FLT1: variants seen among roughly 807,000 people sequenced by gnomAD.
FLT1 encodes the protein vascular endothelial growth factor receptor 1.
FLT1 carries 49 observed loss-of-function variants against 156.3 expected under a neutral mutation model. The ratio of observed to expected loss-of-function variants is 0.31; its 90% CI spans 0.25 to 0.40. The LOEUF (loss-of-function observed/expected upper bound fraction) is 0.40. Among genes scored for constraint, FLT1 ranks in the 10% least tolerant of loss-of-function variants. The pLI is 1.00. For synonymous variants in FLT1, 594 were observed against 583.8 expected (o/e 1.02, Z -0.25); for missense variants, 1,322 against 1,637.2 (o/e 0.81, Z 3.32).
At chr13:28,314,414 A>T (rs565828405) in intron 25 of FLT1, among the ~76,000 whole-genome samples, 4 of 152,364 alleles carry the variant, frequency 2.6e-5, no homozygotes, top group South Asian at 2.1e-4. Context: ...AAAAAATAAA[A>T]AAATTCATTG....
chr13:28,384,979 G>A lies in FLT1; in HGVS notation c.2022C>T (p.Ile674=), dbSNP rs1874272666. Residue 674 remains isoleucine, a synonymous_variant, in exon 14 of 30, where the codon ATC becomes ATT. Transcript: ENST00000282397. ...LRNLSDHTVA[I]SSSTTLDCHA... ...GACAGTCTAAAGTGGTGGAACTGCT[G>A]ATGGCCACTGTGTGATCACTGAGGT... 1 of 1,614,070 alleles carries A rather than the reference G, an allele frequency of 6.2e-7. No homozygotes were observed. The highest frequency in any genetic ancestry group is 8.5e-7 in the Non-Finnish European group (1 of 1,179,900).
rs1382008782 is a variant in FLT1 at position 28,301,895 on chromosome 13, C to A, written c.*1272G>T. ...AGAAATACCTTGCATAAATTACATA[C>A]CACCTTTTTACTCAAGGAGCTTAAA... On this transcript the variant is annotated 3_prime_UTR_variant, in exon 30 of 30. Coordinates refer to ENST00000282397, the MANE Select transcript of FLT1 (RefSeq NM_002019.4). 1 of 233,482 alleles carries A rather than the reference C, an allele frequency of 4.3e-6. No homozygotes were observed. The highest frequency in any genetic ancestry group is 8.5e-6 in the Non-Finnish European group (1 of 117,976). 14.5% of individuals were successfully genotyped at this position (233,482 alleles called of 1,614,324 possible).
At chr13:28,306,338 G>A (rs936414164) in intron 29 of FLT1, among the ~76,000 whole-genome samples, 13 of 152,146 alleles carry the variant, frequency 8.5e-5, no homozygotes, top group South Asian at 2.1e-4. Context: ...GAGTGACAGC[G>A]GGGGCATCCT....
intron 17 of FLT1, among the ~76,000 whole-genome samples, chr13:28,335,246 A>T (rs1045837442): frequency 6.6e-6 from 1 of 152,090 alleles, no homozygotes; most frequent in African/African-American, 2.4e-5. Flanking sequence ...TTCTTGGGGG[A>T]AGGGGAAATG....
intron 10 of FLT1, among the ~76,000 whole-genome samples, chr13:28,410,324 T>C (rs1210298358): frequency 1.3e-5 from 2 of 152,214 alleles, no homozygotes; most frequent in African/African-American, 4.8e-5. Context: ...ATAGTAAGTA[T>C]TGTGTTTTCT....
At chr13:28,451,080 C>G (rs899576644) in intron 3 of FLT1, among the ~76,000 whole-genome samples, 2 of 152,158 alleles carry the variant, frequency 1.3e-5, no homozygotes, top group Non-Finnish European at 2.9e-5. Context: ...GCTTAGCTCT[C>G]TGCTGTAAGG....
chr13:28,445,907 AT>A (rs1878588584), intron 3 of FLT1, among the ~76,000 whole-genome samples: 1 of 152,202 alleles, frequency 6.6e-6, no homozygotes, highest in Non-Finnish European at 1.5e-5. Flanking sequence ...AAAAAACTCA[AT>A]AAAGTACTAG....
chr13:28,484,350 C>T (rs1361174033), intron 1 of FLT1, among the ~76,000 whole-genome samples: 1 of 152,184 alleles, frequency 6.6e-6, no homozygotes, highest in African/African-American at 2.4e-5. Flanking sequence ...CTCGGACCTG[C>T]CTGATATGAG....
chr13:28,329,716 G>C lies in FLT1; in HGVS notation c.2606C>G (p.Ala869Gly). 6.2e-7 allele frequency: 1 copy of C among 1,613,918 alleles called. No homozygotes were observed. Among genetic ancestry groups the C allele is most frequent in the Non-Finnish European group, 8.5e-7 (1 of 1,179,846 alleles). ...AVKMLKEGAT[A>G]SEYKALMTEL... ...AGTCATCAGAGCTTTGTACTCGCTGGCCGTGGCCCCCTCTGTGTGAGAAGC... is the reference window on the plus strand; with the variant it reads ...AGTCATCAGAGCTTTGTACTCGCTGCCCGTGGCCCCCTCTGTGTGAGAAGC... The change falls in exon 19 of 30, where the codon GCC becomes GGC. Residue 869 changes from alanine (A) to glycine (G), a missense_variant. Physicochemically the swap from Ala to Gly is moderately conservative, Grantham distance 60 (BLOSUM62 0). Around this residue, in one of 3 missense-constraint regions of FLT1, gnomAD observed 991 missense variants for 1,254.8 expected, o/e 0.79. Coordinates refer to ENST00000282397, the MANE Select transcript of FLT1 (RefSeq NM_002019.4).
chr13:28,433,928 C>A lies in FLT1; in HGVS notation c.704G>T (p.Ser235Ile), dbSNP rs886663908. Residue 235 changes from serine (S) to isoleucine (I), a missense_variant, in exon 6 of 30, where the codon AGC (serine) becomes ATC (isoleucine). This residue lies in a region of FLT1 where 991 missense variants were observed against 1,254.8 expected (regional missense o/e 0.79). Coordinates refer to ENST00000282397, the MANE Select transcript of FLT1 (RefSeq NM_002019.4). ...QTNTIIDVQI[S>I]TPRPVKLLRG... ...AAGTAATTTGACTGGGCGTGGTGTG[C>A]TTATTTGGACATCTATGATTGTATT... The A allele has an allele frequency of 6.2e-7, 1 of 1,613,998 alleles. No individual in the cohort carries two copies. Among genetic ancestry groups the A allele is most frequent in the Non-Finnish European group, 8.5e-7 (1 of 1,179,988 alleles).
At chr13:28,380,269 A>G (rs1015011210) in intron 14 of FLT1, among the ~76,000 whole-genome samples, 2 of 152,198 alleles carry the variant, frequency 1.3e-5, no homozygotes, top group African/African-American at 4.8e-5. Context: ...ACCTTTATTC[A>G]TAGGTTTACA....
Position 28,377,468 on chromosome 13 carries a change from C to A in FLT1, c.2116+7417G>T, listed in dbSNP as rs560395992. Among the ~76,000 whole-genome samples, 36 of 144,764 alleles carry A rather than the reference C, an allele frequency of 2.5e-4. No homozygotes were observed. In the Middle Eastern group the frequency reaches 0.014, roughly 55 times the overall value. 95.0% of individuals were successfully genotyped at this position (144,764 alleles called of 152,430 possible). ...GCCCATTTATTAATTTGCCTTATTC[C>A]ATTTTTAGACCAATTGACACGATAA... On this transcript the variant is annotated intron_variant, in intron 14 of 29. Coordinates refer to ENST00000282397, the MANE Select transcript of FLT1 (RefSeq NM_002019.4).
intron 24 of FLT1, among the ~76,000 whole-genome samples, 156 bp from the exon 25 acceptor site, chr13:28,317,753 C>T (rs958614617): frequency 7.2e-5 from 11 of 152,212 alleles, no homozygotes; most frequent in African/African-American, 2.4e-4. Context: ...CCGTACAACA[C>T]ACAGAGAAGC....
chr13:28,420,709 T>C (rs1024023957), intron 10 of FLT1, among the ~76,000 whole-genome samples: 2 of 152,308 alleles, frequency 1.3e-5, no homozygotes, highest in Non-Finnish European at 2.9e-5. Context: ...GACATTCATG[T>C]TGGCAGTCAA....
intron 3 of FLT1, 104 bp from the exon 4 acceptor site, chr13:28,438,449 C>T: frequency 1.2e-6 from 1 of 853,408 alleles, no homozygotes; most frequent in South Asian, 1.4e-5. Flanking sequence ...ACAGTCACGT[C>T]ATTCTCCCTT....
intron 14 of FLT1, among the ~76,000 whole-genome samples, chr13:28,374,791 T>G (rs1201164957): frequency 1.3e-5 from 2 of 152,078 alleles, no homozygotes. Context: ...GAGATTACAG[T>G]TGTGAGCCAC....
chr13:28,396,852 A>T (rs940854643), intron 12 of FLT1, 108 bp downstream of exon 12: 1 of 742,276 alleles, frequency 1.3e-6, no homozygotes, highest in African/African-American at 1.7e-5. Context: ...TGACAATTCT[A>T]TGGAATTAAA....
At chr13:28,373,836 C>T (rs935656829) in intron 14 of FLT1, among the ~76,000 whole-genome samples, 7 of 152,088 alleles carry the variant, frequency 4.6e-5, no homozygotes, top group Admixed American at 4.6e-4. Context: ...GAGTTTACCA[C>T]CCCCACTAAC....
intron 11 of FLT1, among the ~76,000 whole-genome samples, chr13:28,401,192 CATAAATAA>C (rs1211982342): frequency 4.6e-5 from 7 of 152,080 alleles, no homozygotes; most frequent in Non-Finnish European, 8.8e-5. Flanking sequence ...TGCCAAAATA[CATAAATAA>C]ATAAATAAAT....
Sources: allele counts gnomAD v4.1 joint callset (sites outside exome capture counted in the v4.1 genomes callset), GRCh38; gene constraint gnomAD v4.1.1; regional missense constraint gnomAD v4.1.1; transcripts MANE v1.5; gene names NCBI Gene and HGNC (gene_info 2026-07-23, HGNC 2026-07-21).